The following GRIA1 variants were observed in gnomAD, a reference collection of about 807,000 sequenced individuals.
The protein encoded by GRIA1 is glutamate receptor 1.
In GRIA1, 31 loss-of-function variants were observed where a neutral mutation model predicts 99.2. The observed-to-expected ratio is 0.31, with a 90% CI of 0.23 to 0.42. The LOEUF is 0.42. Among genes scored for constraint, GRIA1 ranks in the 10% least tolerant of loss-of-function variants. The pLI is 1.00. For synonymous variants in GRIA1, 438 were observed against 432.4 expected, an observed-to-expected ratio of 1.01 and a Z score of -0.16; for missense variants, 782 against 1,157.5, an observed-to-expected ratio of 0.68 and a Z score of 4.71.
chr5:153,524,420 C>A (rs572135116), intron 2 of GRIA1, among the ~76,000 whole-genome samples: 1 of 151,846 alleles, frequency 6.6e-6, no homozygotes, highest in East Asian at 1.9e-4. Flanking sequence ...TTTGAGAAAT[C>A]TTATTTTGGA....
chr5:153,691,865 G>A (rs949103759), intron 8 of GRIA1, among the ~76,000 whole-genome samples: 8 of 152,106 alleles, frequency 5.3e-5, no homozygotes, highest in South Asian at 4.1e-4. Context: ...ACCACAAGAC[G>A]AGGACAATAA....
chr5:153,668,580 A>G (rs1755918881), intron 5 of GRIA1, among the ~76,000 whole-genome samples: 1 of 152,200 alleles, frequency 6.6e-6, no homozygotes, highest in African/African-American at 2.4e-5. Context: ...GCAATGGCAG[A>G]GCTGACTAGT....
At chr5:153,576,258 GC>G (rs1301945917) in intron 2 of GRIA1, among the ~76,000 whole-genome samples, 1 of 152,190 alleles carries the variant, frequency 6.6e-6, no homozygotes, top group East Asian at 1.9e-4. Context: ...TGTTTTAAGA[GC>G]TTAGAGAAAA....
At chr5:153,649,440 TTTAG>T (rs147092950) in intron 3 of GRIA1, among the ~76,000 whole-genome samples, 1,972 of 146,878 alleles carry the variant, frequency 0.013, 10 homozygotes, top group Non-Finnish European at 0.018. Context: ...TATTTATTTA[TTTAG>T]TTAGTTAGTT....
chr5:153,785,652 C>T (rs1455153652), intron 13 of GRIA1, among the ~76,000 whole-genome samples: 3 of 152,132 alleles, frequency 2.0e-5, no homozygotes, highest in Non-Finnish European at 4.4e-5. Flanking sequence ...CCTTCTTTTC[C>T]CATTGATGAG....
intron 13 of GRIA1, among the ~76,000 whole-genome samples, chr5:153,776,698 T>C (rs1386474245): frequency 1.3e-5 from 2 of 152,200 alleles, no homozygotes. Flanking sequence ...GGAAAATATC[T>C]AGCAAAAGTT....
chr5:153,492,251 A>T (rs1224873266), intron 1 of GRIA1: 1 of 1,535,410 alleles, frequency 6.5e-7, no homozygotes, highest in Admixed American at 2.0e-5. Context: ...GGCGGCTTGG[A>T]GTGGCCATGG....
At chr5:153,626,081 C>A (rs1288566137) in intron 2 of GRIA1, among the ~76,000 whole-genome samples, 1 of 152,174 alleles carries the variant, frequency 6.6e-6, no homozygotes, top group Non-Finnish European at 1.5e-5. Context: ...CTGGGAAAGT[C>A]TTTTCAGCCT....
At position 153,655,809 on chromosome 5, in the gene GRIA1, T is replaced by C; in HGVS notation, c.646-10T>C. 6.2e-7 allele frequency: 1 copy of C among 1,611,410 alleles called. No homozygotes were observed. The highest frequency in any genetic ancestry group is 8.5e-7 in the Non-Finnish European group (1 of 1,177,902). On this transcript the variant is annotated splice_polypyrimidine_tract_variant and intron_variant, in intron 4 of 15. Transcript: ENST00000285900. ...ATGATTAATGAGTCTCCACCTATTATGTTTTGTAGATTATAAAGCTAGAGA... is the reference window on the plus strand; with the variant it reads ...ATGATTAATGAGTCTCCACCTATTACGTTTTGTAGATTATAAAGCTAGAGA...
At chr5:153,735,509 G>T (rs750990168) in intron 11 of GRIA1, among the ~76,000 whole-genome samples, 5 of 152,136 alleles carry the variant, frequency 3.3e-5, no homozygotes, top group Non-Finnish European at 7.4e-5. Context: ...GTCAGGGGTC[G>T]ATCTTTAACT....
upstream of GRIA1, chr5:153,490,589 G>C (rs1353042845): frequency 2.1e-6 from 1 of 466,854 alleles, no homozygotes; most frequent in Non-Finnish European, 3.9e-6. Flanking sequence ...GGAGAGAGAG[G>C]CAGGCTGCGA....
chr5:153,509,441 C>T (rs1283186515), intron 2 of GRIA1, among the ~76,000 whole-genome samples: 1 of 152,170 alleles, frequency 6.6e-6, no homozygotes, highest in Non-Finnish European at 1.5e-5. Context: ...TCTTATCTCA[C>T]TGGCTCTCTT....
intron 2 of GRIA1, among the ~76,000 whole-genome samples, chr5:153,639,078 C>T (rs761848926): frequency 2.0e-5 from 3 of 152,180 alleles, no homozygotes; most frequent in East Asian, 3.9e-4. Context: ...GTCTGTCGTG[C>T]CATTACACTT....
chr5:153,491,034 G>C (rs1399409287), intron 1 of GRIA1, 64 bp downstream of exon 1: 1 of 1,452,278 alleles, frequency 6.9e-7, no homozygotes, highest in Admixed American at 1.7e-5. Flanking sequence ...TTTGGGGATA[G>C]GGGTTGTGTA....
In GRIA1 at chr5:153,668,594, G is replaced by A. The variant is rs192119047; in HGVS notation, c.700-5906G>A. On this transcript the variant is annotated intron_variant, in intron 5 of 15. Transcript: ENST00000285900. ...TGCAATGGCAGAGCTGACTAGTTGT[G>A]ACAAGAACTATATGGTTTGCAAAGC... Among the ~76,000 whole-genome samples, 170 of 152,194 alleles carry A rather than the reference G, an allele frequency of 1.1e-3. 1 individual carries two copies. In the Middle Eastern group the frequency reaches 0.02, roughly 18 times the overall value.
chr5:153,609,555 CTTTTTT>C (rs3036982), intron 2 of GRIA1, among the ~76,000 whole-genome samples: 3 of 84,346 alleles, frequency 3.6e-5, no homozygotes, highest in Admixed American at 1.5e-4. Context: ...AGACTCTTTT[CTTTTTT>C]TTTTTTTTTT....
chr5:153,765,307 T>C lies in GRIA1; in HGVS notation c.2022+675T>C, dbSNP rs527626393. On this transcript the variant is annotated intron_variant, in intron 12 of 15. Transcript: ENST00000285900. The stretch of plus-strand genomic sequence containing the variant: ...GCCTCTGTGACACCATTTCCATTCA[T>C]CCATGTAATGAGGAGAACAATGTCT... Among the ~76,000 whole-genome samples, 70 of 152,226 alleles carry C rather than the reference T, an allele frequency of 4.6e-4. No homozygotes were observed. In the South Asian group the frequency reaches 0.014, roughly 30 times the overall value.
chr5:153,761,862 G>A (rs1763205457), intron 11 of GRIA1, among the ~76,000 whole-genome samples: 1 of 152,162 alleles, frequency 6.6e-6, no homozygotes, highest in Non-Finnish European at 1.5e-5. Flanking sequence ...CCTGTCATTT[G>A]CAACAACATG....
intron 11 of GRIA1, among the ~76,000 whole-genome samples, chr5:153,755,041 T>C (rs1762736970): frequency 2.0e-5 from 3 of 152,030 alleles, no homozygotes. Context: ...AAGAGAAGCA[T>C]GTGATAAGGA....
Sources: gnomAD v4.1 joint callset for allele counts (sites outside exome capture counted in the v4.1 genomes callset) on GRCh38, gnomAD v4.1.1 for gene constraint, MANE v1.5 for transcripts, NCBI Gene and HGNC (gene_info 2026-07-23, HGNC 2026-07-21) for gene names.